SLC28A1: variants seen among roughly 807,000 people sequenced by gnomAD.
SLC28A1 encodes the protein sodium/nucleoside cotransporter 1.
SLC28A1 carries 64 observed loss-of-function variants against 74.8 expected under a neutral mutation model. The ratio of observed to expected loss-of-function variants is 0.86; its 90% confidence interval spans 0.70 to 1.05. The LOEUF is 1.05. Among genes scored for constraint, SLC28A1 ranks in the 50% least tolerant of loss-of-function variants. SLC28A1 has a pLI of 0.00. For synonymous variants in SLC28A1, 359 were observed against 335.0 expected (o/e 1.07, Z -0.78); for missense variants, 828 against 822.8 (o/e 1.01, Z -0.08).
At chr15:84,922,075 G>A (rs1422442262) in intron 11 of SLC28A1, among the ~76,000 whole-genome samples, 1 of 152,182 alleles carries the variant, frequency 6.6e-6, no homozygotes, top group African/African-American at 2.4e-5. Flanking sequence ...GGGATGGGGA[G>A]CCTTCAGGGA....
chr15:84,936,195 G>A (rs1448772529), intron 15 of SLC28A1, among the ~76,000 whole-genome samples: 9 of 150,736 alleles, frequency 6.0e-5, no homozygotes, highest in Non-Finnish European at 1.5e-5. Context: ...TGCCCACCTC[G>A]GCCTCCCAAA....
At chr15:84,969,235 C>A in the SLC28A1 span, among the ~76,000 whole-genome samples, 3 of 152,090 alleles carry the variant, frequency 2.0e-5, no homozygotes, top group Non-Finnish European at 4.4e-5. Flanking sequence ...TCCTAGCAAC[C>A]AGGAGAATTG....
intron 1 of SLC28A1, among the ~76,000 whole-genome samples, chr15:84,885,680 G>A (rs919301151): frequency 8.1e-5 from 12 of 148,750 alleles, no homozygotes; most frequent in African/African-American, 2.7e-4. Flanking sequence ...GCAGTGAACC[G>A]AGCTCGCACC....
In SLC28A1 at chr15:84,945,398, C is replaced by A. The variant is rs1314358956; in HGVS notation, c.*198C>A. ...GACATAAGGAAGGACATGTCCCACT[C>A]CATCCCCCTTCCTGCTCCCCCATTT... On this transcript the variant is annotated 3_prime_UTR_variant, in exon 19 of 19. Coordinates refer to ENST00000394573, the MANE Select transcript of SLC28A1 (RefSeq NM_004213.5). 4.8e-6 allele frequency: 3 copies of A among 622,268 alleles called. No individual in the cohort carries two copies. The highest frequency in any genetic ancestry group is 8.8e-6 in the Non-Finnish European group (3 of 339,710). 38.5% of individuals were successfully genotyped at this position (622,268 alleles called of 1,614,324 possible). A position where few individuals can be genotyped will look rare whatever the true frequency, so the allele number is the denominator to read the frequency against.
intron 15 of SLC28A1, among the ~76,000 whole-genome samples, chr15:84,942,385 TCTAA>T (rs1322926362): frequency 2.6e-5 from 4 of 152,248 alleles, no homozygotes; most frequent in African/African-American, 7.2e-5. Context: ...ATTCATTTAT[TCTAA>T]CTATTTTTTT....
intron 2 of SLC28A1, 110 bp from the exon 3 acceptor site, chr15:84,887,635 G>T: frequency 6.5e-7 from 1 of 1,548,732 alleles, no homozygotes; most frequent in Non-Finnish European, 8.7e-7. Context: ...CTCTGGCTGT[G>T]CCAGGCATCT....
chr15:84,898,929 G>C (rs1377572329), intron 6 of SLC28A1, among the ~76,000 whole-genome samples: 1 of 152,202 alleles, frequency 6.6e-6, no homozygotes, highest in Non-Finnish European at 1.5e-5. Context: ...AGAGCACAGA[G>C]ACACAGTTGA....
In SLC28A1 at chr15:84,886,038, A is replaced by G. The variant is rs181697528; in HGVS notation, c.-132-634A>G. On this transcript the variant is annotated intron_variant, in intron 1 of 18. Coordinates refer to ENST00000394573, the MANE Select transcript of SLC28A1 (RefSeq NM_004213.5). ...GAGCGCGTACCATTAATTATTAAAG[A>G]GATGTTGTGAATCCCGTCAGATGAG... The G allele has an allele frequency of 1.6e-5, 9 of 564,516 alleles. No homozygotes were observed. The East Asian group carries it at 8.6e-4, about 54-fold the overall frequency. 35.0% of individuals were successfully genotyped at this position (564,516 alleles called of 1,614,324 possible). A position where few individuals can be genotyped will look rare whatever the true frequency, so the allele number is the denominator to read the frequency against.
chr15:84,912,784 C>A (rs527998595), intron 9 of SLC28A1, among the ~76,000 whole-genome samples: 1 of 143,448 alleles, frequency 7.0e-6, no homozygotes, highest in African/African-American at 2.8e-5. Flanking sequence ...CAGTGGTCAA[C>A]AGTGCCAAAT....
In SLC28A1 at chr15:84,944,574, G is replaced by A. The variant is rs770895559; in HGVS notation, c.1672G>A (p.Val558Ile). 11 of 1,613,012 alleles carry A rather than the reference G, an allele frequency of 6.8e-6. No individual in the cohort carries two copies. The highest frequency in any genetic ancestry group is 9.3e-6 in the Non-Finnish European group (11 of 1,179,120). The change falls in exon 17 of 19, where the codon GTC (valine) becomes ATC (isoleucine). Residue 558 changes from valine to isoleucine, a missense_variant. This residue lies in a region of SLC28A1 where 767 missense variants were observed against 753.5 expected (regional missense o/e 1.02). Transcript: ENST00000394573. ...CTTCTGTCCCCTTGCAGCCTCCATG[G>A]TCCCCCAACGGAAGAGCGACTTCTC... ...GIMLGGLTSMVPQRKSDFSQI... is the reference protein window; with the variant it reads ...GIMLGGLTSMIPQRKSDFSQI...
At chr15:84,949,718 G>A (rs992475969), downstream of SLC28A1, among the ~76,000 whole-genome samples, 1 of 152,028 alleles carries the variant, frequency 6.6e-6, no homozygotes, top group Non-Finnish European at 1.5e-5. Flanking sequence ...GCCTTAGGAA[G>A]GGTGTTAAGA....
intron 13 of SLC28A1, among the ~76,000 whole-genome samples, chr15:84,934,040 T>G (rs529346520): frequency 3.3e-5 from 5 of 152,236 alleles, no homozygotes; most frequent in Admixed American, 3.3e-4. Flanking sequence ...AATCCAACAT[T>G]CAGGAATGGA....
the SLC28A1 span, among the ~76,000 whole-genome samples, chr15:84,974,706 GTCCAGATATGGAT>G: frequency 6.6e-6 from 1 of 152,160 alleles, no homozygotes; most frequent in Non-Finnish European, 1.5e-5. Context: ...TGGGCTCCTT[GTCCAGATATGGAT>G]TCCATAAGAC....
intron 11 of SLC28A1, 87 bp from the exon 12 acceptor site, chr15:84,923,898 C>T (rs1336234927): frequency 6.3e-7 from 1 of 1,581,720 alleles, no homozygotes; most frequent in South Asian, 1.1e-5. Context: ...TACCGTGGGA[C>T]TCCCAGCTGC....
intron 11 of SLC28A1, among the ~76,000 whole-genome samples, chr15:84,923,086 T>C (rs1157048576): frequency 6.6e-6 from 1 of 152,112 alleles, no homozygotes; most frequent in Non-Finnish European, 1.5e-5. Flanking sequence ...TACTGACATG[T>C]GTCAGCATGC....
At chr15:84,914,795 A>C (rs1048281992) in intron 9 of SLC28A1, among the ~76,000 whole-genome samples, 1 of 152,108 alleles carries the variant, frequency 6.6e-6, no homozygotes, top group African/African-American at 2.4e-5. Flanking sequence ...GTAAGATGAT[A>C]TTGGCCACAG....
At chr15:84,962,094 A>T in the SLC28A1 span, among the ~76,000 whole-genome samples, 6 of 152,076 alleles carry the variant, frequency 3.9e-5, no homozygotes, top group African/African-American at 1.2e-4. Flanking sequence ...TTATTTTTAG[A>T]GACAGGGTCT....
Position 84,904,158 on chromosome 15 carries a change from C to A in SLC28A1, c.523C>A (p.Arg175=). ...GTGGCTGTCTCTGGACACCTCCCAG[C>A]GGCCTGAGCAACTGGTGTCCTTCGC... ...VLWLSLDTSQ[R]PEQLVSFAGI... The change falls in exon 7 of 19, where the codon CGG becomes AGG. Residue 175 remains arginine (R), a synonymous_variant. Coordinates refer to ENST00000394573, the MANE Select transcript of SLC28A1 (RefSeq NM_004213.5). 1.2e-6 allele frequency: 2 copies of A among 1,614,204 alleles called. No homozygotes were observed. Among genetic ancestry groups the A allele is most frequent in the East Asian group, 2.2e-5 (1 of 44,886 alleles).
In SLC28A1 at chr15:84,911,788, G is replaced by A. The variant is rs576181123; in HGVS notation, c.795+2993G>A. On this transcript the variant is annotated intron_variant, in intron 9 of 18. Coordinates refer to ENST00000394573, the MANE Select transcript of SLC28A1 (RefSeq NM_004213.5). ...GCAGGAGAATGACTTGAACCTGGGA[G>A]ACGGAGGTTGCAGTGAGCGGAGACT... Among the ~76,000 whole-genome samples the A allele has an allele frequency of 1.4e-3, 213 of 149,186 alleles. 1 individual carries two copies. The highest frequency in any genetic ancestry group is 2.0e-3 in the Admixed American group (30 of 14,730).
Sources: gnomAD v4.1 joint callset for allele counts (sites outside exome capture counted in the v4.1 genomes callset) on GRCh38, gnomAD v4.1.1 for gene constraint, gnomAD v4.1.1 regional missense constraint, MANE v1.5 for transcripts, NCBI Gene and HGNC (gene_info 2026-07-23, HGNC 2026-07-21) for gene names.